Variants in ARHGEF26 observed in about 807,000 individuals in gnomAD.
The protein encoded by ARHGEF26 is Rho guanine nucleotide exchange factor 26, also known as Rho guanine nucleotide exchange factor (GEF) 26.
Under a neutral mutation model 89.4 loss-of-function variants are expected in ARHGEF26, and 59 were observed. That is an observed-to-expected ratio of 0.66 (90% CI 0.54 to 0.82). The LOEUF is 0.82. Ranked by LOEUF, ARHGEF26 falls within the 40% of genes least tolerant of loss-of-function variation. The probability of loss-of-function intolerance (pLI) is 0.00; values close to 1 mark genes in which losing one functional copy is unlikely to be tolerated. For synonymous variants in ARHGEF26, 500 were observed against 428.4 expected, an observed-to-expected ratio of 1.17 and a Z score of -2.06; for missense variants, 1,234 against 1,085.6, an observed-to-expected ratio of 1.14 and a Z score of -1.92.
At chr3:154,181,112 A>G (rs1255885284) in intron 6 of ARHGEF26, among the ~76,000 whole-genome samples, 1 of 152,196 alleles carries the variant, frequency 6.6e-6, no homozygotes, top group Admixed American at 6.5e-5. Context: ...TTCAACCTTC[A>G]GTGTCAATGT....
rs1716945082 is a variant in ARHGEF26 at position 154,233,725 on chromosome 3, A to G, written c.2091-6645A>G. Among the ~76,000 whole-genome samples the G allele has an allele frequency of 2.6e-5, 4 of 152,372 alleles. No individual in the cohort carries two copies. The South Asian group carries it at 8.3e-4, about 32-fold the overall frequency. On this transcript the variant is annotated intron_variant, in intron 11 of 14. Transcript: ENST00000465093. The stretch of plus-strand genomic sequence containing the variant: ...CTCAGTGTCACTAGATTCTGTATAC[A>G]TGCAAAGAGAAATAATGGTGAAATC...
intron 11 of ARHGEF26, among the ~76,000 whole-genome samples, chr3:154,235,610 C>G (rs1387181950): frequency 6.6e-6 from 1 of 152,184 alleles, no homozygotes; most frequent in African/African-American, 2.4e-5. Context: ...GCTGTCATAT[C>G]TATGTATTTT....
intron 3 of ARHGEF26, among the ~76,000 whole-genome samples, chr3:154,124,978 CA>C (rs5853679): frequency 0.83 from 121,392 of 145,942 alleles, 50,293 homozygotes; most frequent in East Asian, 0.96. Context: ...TTAAGGATCT[CA>C]AAAAAAAAAA....
At chr3:154,200,735 T>A (rs2108208698) in intron 9 of ARHGEF26, among the ~76,000 whole-genome samples, 1 of 151,798 alleles carries the variant, frequency 6.6e-6, no homozygotes, top group South Asian at 2.1e-4. Context: ...ACATGGAATA[T>A]TTTTTAATTT....
At chr3:154,124,274 C>G (rs1159690142) in intron 2 of ARHGEF26, 136 bp from the exon 3 acceptor site, 1 of 638,070 alleles carries the variant, frequency 1.6e-6, no homozygotes, top group African/African-American at 1.9e-5. Flanking sequence ...CTTCTGTGCG[C>G]TCTTGGAAAT....
intron 9 of ARHGEF26, among the ~76,000 whole-genome samples, chr3:154,197,397 A>G (rs1161423535): frequency 6.6e-6 from 1 of 152,272 alleles, no homozygotes; most frequent in Admixed American, 6.5e-5. Context: ...TATGGTTTAG[A>G]ATGAAAATGT....
At position 154,122,285 on chromosome 3, in the gene ARHGEF26, C is replaced by T; in HGVS notation, c.293C>T (p.Ser98Phe). The T allele has an allele frequency of 1.2e-6, 2 of 1,612,602 alleles. No individual in the cohort carries two copies. Among genetic ancestry groups the T allele is most frequent in the East Asian group, 2.2e-5 (1 of 44,836 alleles). ...RRAVANGGTA[S>F]PEYRAASPRL... ...GCGGTGGCCAATGGTGGGACGGCATCCCCGGAGTACAGGGCTGCCTCTCCT... is the reference window on the plus strand; with the variant it reads ...GCGGTGGCCAATGGTGGGACGGCATTCCCGGAGTACAGGGCTGCCTCTCCT... The change falls in exon 2 of 15, where the codon TCC becomes TTC. Residue 98 changes from serine to phenylalanine, a missense_variant. Physicochemically the swap from Ser to Phe is radical, Grantham distance 155 (BLOSUM62 -2). Coordinates refer to ENST00000465093, the MANE Select transcript of ARHGEF26 (RefSeq NM_015595.4).
At chr3:154,158,994 G>T (rs557859308) in intron 6 of ARHGEF26, among the ~76,000 whole-genome samples, 1 of 152,024 alleles carries the variant, frequency 6.6e-6, no homozygotes, top group East Asian at 1.9e-4. Flanking sequence ...TATTAGGAAA[G>T]AAAATTGTCT....
At chr3:154,177,080 C>T (rs1486129839) in intron 6 of ARHGEF26, among the ~76,000 whole-genome samples, 1 of 152,174 alleles carries the variant, frequency 6.6e-6, no homozygotes, top group Non-Finnish European at 1.5e-5. Flanking sequence ...TAAAACAGAA[C>T]AACATTGGTG....
At chr3:154,148,396 A>T (rs189734954) in intron 4 of ARHGEF26, among the ~76,000 whole-genome samples, 114 of 152,334 alleles carry the variant, frequency 7.5e-4, no homozygotes, top group Non-Finnish European at 1.2e-3. Context: ...TCTGTATATT[A>T]ATACTTTACC....
intron 6 of ARHGEF26, among the ~76,000 whole-genome samples, chr3:154,170,580 T>C (rs936761507): frequency 6.6e-6 from 1 of 152,218 alleles, no homozygotes; most frequent in African/African-American, 2.4e-5. Context: ...CCATTTGTCC[T>C]GTGTGACCTT....
intron 10 of ARHGEF26, among the ~76,000 whole-genome samples, chr3:154,224,212 CCTAT>C: frequency 6.6e-6 from 1 of 152,200 alleles, no homozygotes; most frequent in East Asian, 1.9e-4. Flanking sequence ...TTTAATAAAA[CCTAT>C]CTGATTGAGT....
In ARHGEF26 at chr3:154,194,679, G is replaced by A. The variant is rs1230734664; in HGVS notation, c.1806G>A (p.Lys602=). 1 of 1,612,966 alleles carries A rather than the reference G, an allele frequency of 6.2e-7. No individual in the cohort carries two copies. The change falls in exon 9 of 15, where the codon AAG becomes AAA. Residue 602 remains lysine, a synonymous_variant. Transcript: ENST00000465093. ...ICQKTPKDSP[K]YEVCKRALKE... ...AAAAAACACCTAAGGACTCTCCGAA[G>A]TATGAAGTCTGCAAAAGAGCCTTGA...
At chr3:154,123,189 T>G (rs1718107709) in intron 2 of ARHGEF26, 114 bp downstream of exon 2, 2 of 1,451,798 alleles carry the variant, frequency 1.4e-6, no homozygotes, top group African/African-American at 1.4e-5. Flanking sequence ...TTTAATTCTG[T>G]GTTTTGCTCT....
Position 154,148,170 on chromosome 3 carries a change from G to A in ARHGEF26, c.1270-1219G>A, listed in dbSNP as rs997412954. ...ACAGAAGCACAGGCCCAGGAGCAGC[G>A]GCCTGGCAGCCAGCCATGAGGAGCC... On this transcript the variant is annotated intron_variant, in intron 4 of 14. Coordinates refer to ENST00000465093, the MANE Select transcript of ARHGEF26 (RefSeq NM_015595.4). Among the ~76,000 whole-genome samples, 7 of 152,168 alleles carry A rather than the reference G, an allele frequency of 4.6e-5. 1 individual carries two copies. The highest frequency in any genetic ancestry group is 3.9e-4 in the Admixed American group (6 of 15,278).
At chr3:154,189,362 G>T (rs1312205958) in intron 7 of ARHGEF26, among the ~76,000 whole-genome samples, 5 of 140,072 alleles carry the variant, frequency 3.6e-5, no homozygotes, top group Non-Finnish European at 4.6e-5. Flanking sequence ...TTTTGAGATG[G>T]AGTCTCACTC....
chr3:154,136,831 T>C (rs1316471361), intron 4 of ARHGEF26, among the ~76,000 whole-genome samples: 5 of 152,242 alleles, frequency 3.3e-5, no homozygotes, highest in African/African-American at 1.2e-4. Context: ...TCTCATAAGA[T>C]TATTTTTTTA....
At chr3:154,193,598 G>A (rs900553737) in intron 8 of ARHGEF26, among the ~76,000 whole-genome samples, 1 of 152,064 alleles carries the variant, frequency 6.6e-6, no homozygotes, top group Non-Finnish European at 1.5e-5. Context: ...TTAAAATAGT[G>A]TCTCTTCAAT....
chr3:154,241,946 G>C (rs1166565638), intron 12 of ARHGEF26, among the ~76,000 whole-genome samples: 1 of 152,226 alleles, frequency 6.6e-6, no homozygotes, highest in Non-Finnish European at 1.5e-5. Flanking sequence ...GAACTGTACA[G>C]ATGAGCCTAG....
Sources: allele counts gnomAD v4.1 joint callset (sites outside exome capture counted in the v4.1 genomes callset), GRCh38; gene constraint gnomAD v4.1.1; transcripts MANE v1.5; gene names NCBI Gene and HGNC (gene_info 2026-07-23, HGNC 2026-07-21).